CCDC102B: variants seen among roughly 807,000 people sequenced by gnomAD.
The protein encoded by CCDC102B is coiled-coil domain containing 102B, also known as coiled-coil domain-containing protein 102B.
A neutral mutation model predicts 57.4 loss-of-function variants in CCDC102B; 75 were observed. The observed-to-expected ratio is 1.31, with a 90% CI of 1.08 to 1.58. The LOEUF (loss-of-function observed/expected upper bound fraction) is 1.58, where lower values mean the gene tolerates loss of function less well. Among genes scored for constraint, CCDC102B ranks in the 40% most tolerant of loss-of-function variants. CCDC102B has a pLI of 0.00. For missense variants in CCDC102B, 636 were observed against 582.6 expected (o/e 1.09, Z -0.94); for synonymous variants, 206 against 201.9 (o/e 1.02, Z -0.17).
At chr18:69,056,888 T>C (rs1243973338), downstream of CCDC102B, among the ~76,000 whole-genome samples, 1 of 152,070 alleles carries the variant, frequency 6.6e-6, no homozygotes, top group Non-Finnish European at 1.5e-5. Context: ...GAAAATTCTA[T>C]GCCCATTAAA....
intron 6 of CCDC102B, among the ~76,000 whole-genome samples, chr18:69,009,803 G>A (rs909183811): frequency 6.7e-6 from 1 of 149,908 alleles, no homozygotes; most frequent in African/African-American, 2.5e-5. Context: ...TGTGATTTTT[G>A]TATATAAAGT....
At chr18:68,836,554 G>A (rs892879255) in intron 1 of CCDC102B, among the ~76,000 whole-genome samples, 195 bp from the exon 2 acceptor site, 1 of 150,298 alleles carries the variant, frequency 6.7e-6, no homozygotes, top group African/African-American at 2.5e-5. Context: ...CTTGAACCCT[G>A]GAGGCAGAGG....
intron 7 of CCDC102B, among the ~76,000 whole-genome samples, chr18:69,013,025 C>T (rs1008012303): frequency 6.0e-5 from 9 of 149,506 alleles, no homozygotes; most frequent in African/African-American, 2.3e-4. Context: ...TGAATATCTA[C>T]CTAAAGGAAA....
At chr18:68,992,084 T>A (rs762966749) in intron 6 of CCDC102B, among the ~76,000 whole-genome samples, 2 of 152,170 alleles carry the variant, frequency 1.3e-5, no homozygotes, top group Middle Eastern at 3.2e-3. Flanking sequence ...CTTTTTTTTT[T>A]ATCCTTTTTC....
intron 4 of CCDC102B, among the ~76,000 whole-genome samples, chr18:68,849,429 C>T (rs1467059031): frequency 3.9e-5 from 6 of 152,084 alleles, no homozygotes; most frequent in Non-Finnish European, 8.8e-5. Flanking sequence ...ATCTTATCGA[C>T]TCTGCCTCCA....
chr18:68,915,104 A>G (rs1379648666), intron 6 of CCDC102B, among the ~76,000 whole-genome samples: 1 of 152,196 alleles, frequency 6.6e-6, no homozygotes, highest in Non-Finnish European at 1.5e-5. Context: ...TATTTTATAT[A>G]TCTTCTAGTT....
At chr18:68,803,489 A>G (rs1259481328) in intron 1 of CCDC102B, among the ~76,000 whole-genome samples, 1 of 152,210 alleles carries the variant, frequency 6.6e-6, no homozygotes, top group East Asian at 1.9e-4. Context: ...AGGGTGAAGG[A>G]TGTAAGATAC....
At chr18:68,828,668 A>T (rs1211398635) in intron 1 of CCDC102B, among the ~76,000 whole-genome samples, 1 of 151,714 alleles carries the variant, frequency 6.6e-6, no homozygotes, top group East Asian at 1.9e-4. Flanking sequence ...TACCACAGGA[A>T]ACTTAGAAAA....
At chr18:68,911,714 T>C (rs1441610866) in intron 6 of CCDC102B, among the ~76,000 whole-genome samples, 18 of 110,168 alleles carry the variant, frequency 1.6e-4, no homozygotes, top group East Asian at 1.6e-3. Context: ...ATCGCGCCAC[T>C]GCACTCCAGC....
chr18:68,797,112 T>G (rs545816416), upstream of CCDC102B, among the ~76,000 whole-genome samples: 12 of 152,084 alleles, frequency 7.9e-5, no homozygotes, highest in South Asian at 1.5e-3. Flanking sequence ...GAATCATGAT[T>G]AAGTTTAGCT....
chr18:68,785,285 C>G (rs2035161648), intron 2 of CCDC102B, among the ~76,000 whole-genome samples: 1 of 152,066 alleles, frequency 6.6e-6, no homozygotes, highest in South Asian at 2.1e-4. Flanking sequence ...TCACAATAAA[C>G]ATACATGTGC....
chr18:68,899,316 G>A (rs950945648), intron 6 of CCDC102B, among the ~76,000 whole-genome samples: 7 of 151,932 alleles, frequency 4.6e-5, no homozygotes, highest in African/African-American at 1.7e-4. Context: ...CCAAGGTTTA[G>A]GGAATAATGT....
intron 4 of CCDC102B, among the ~76,000 whole-genome samples, chr18:68,848,235 A>G (rs1191390533): frequency 6.6e-6 from 1 of 151,958 alleles, no homozygotes; most frequent in Non-Finnish European, 1.5e-5. Context: ...AAGGTGTGTC[A>G]TGATTCATTC....
rs764033099 is a variant in CCDC102B at position 69,034,819 on chromosome 18, A to G, written c.1435-19211A>G. 1.1e-4 allele frequency among the ~76,000 whole-genome samples: 17 copies of G among 151,752 alleles called. 1 individual carries two copies. The highest frequency in any genetic ancestry group is 3.3e-4 in the Admixed American group (5 of 15,188). On this transcript the variant is annotated intron_variant, in intron 7 of 7. Transcript: ENST00000360242. Reference sequence around the variant, plus strand: ...CATACATATTTATATGTATATTTACATATACATGGGAAATAATTGGTTTCC... The same window carrying G: ...CATACATATTTATATGTATATTTACGTATACATGGGAAATAATTGGTTTCC...
At chr18:69,034,066 G>A (rs1234691490) in intron 7 of CCDC102B, among the ~76,000 whole-genome samples, 1 of 151,682 alleles carries the variant, frequency 6.6e-6, no homozygotes, top group South Asian at 2.1e-4. Context: ...TTTAGTTGTG[G>A]TTTTTTTAAT....
At position 68,785,523 on chromosome 18, in the gene CCDC102B, A is replaced by G. The variant is rs1465287931; in HGVS notation, c.-66-37843A>G. 7.3e-5 allele frequency among the ~76,000 whole-genome samples: 11 copies of G among 151,502 alleles called. No homozygotes were observed. In the East Asian group the frequency reaches 1.9e-3, roughly 27 times the overall value. On this transcript the variant is annotated intron_variant, in intron 2 of 3. Transcript: ENST00000578970. Reference sequence around the variant, plus strand: ...TGACTTTTTAATGATTGCCATTCTAACTGGTGTGAGATGGTATCTCACTGT... The same window carrying G: ...TGACTTTTTAATGATTGCCATTCTAGCTGGTGTGAGATGGTATCTCACTGT...
At chr18:69,001,901 A>G (rs2051211333) in intron 6 of CCDC102B, among the ~76,000 whole-genome samples, 1 of 152,150 alleles carries the variant, frequency 6.6e-6, no homozygotes, top group African/African-American at 2.4e-5. Context: ...TACAAGTCTA[A>G]TTTTACATAT....
chr18:68,894,532 CTG>C (rs1599647456), intron 5 of CCDC102B, among the ~76,000 whole-genome samples: 1 of 151,678 alleles, frequency 6.6e-6, no homozygotes, highest in Admixed American at 6.6e-5. Context: ...ATGATAAACT[CTG>C]AGAGCTTAAA....
In CCDC102B at chr18:69,000,012, G is replaced by C. The variant is rs1435990879; in HGVS notation, c.1264-10922G>C. Among the ~76,000 whole-genome samples, 3 of 152,076 alleles carry C rather than the reference G, an allele frequency of 2.0e-5. No homozygotes were observed. In the East Asian group the frequency reaches 5.8e-4, roughly 29 times the overall value. ...TCTCTGGGAATTGTAGAAAAGAAAT[G>C]TATCAAAGGAAACTCCATGTAATGA... On this transcript the variant is annotated intron_variant, in intron 6 of 7. Transcript: ENST00000360242.
Sources: gnomAD v4.1 joint callset for allele counts (sites outside exome capture counted in the v4.1 genomes callset) on GRCh38, gnomAD v4.1.1 for gene constraint, MANE v1.5 for transcripts, NCBI Gene and HGNC (gene_info 2026-07-23, HGNC 2026-07-21) for gene names.